The following NBEA variants were observed in gnomAD, a reference collection of about 807,000 sequenced individuals.
NBEA encodes the protein lysosomal-trafficking regulator 2.
NBEA carries 44 observed loss-of-function variants against 343.4 expected under a neutral mutation model. The ratio of observed to expected loss-of-function variants is 0.13; its 90% CI spans 0.10 to 0.16. NBEA has a LOEUF of 0.16. Ranked by LOEUF, NBEA falls within the 10% of genes least tolerant of loss-of-function variation. The pLI is 1.00. For missense variants in NBEA, 2,555 were observed against 3,631.3 expected (o/e 0.70, Z 7.62); for synonymous variants, 1,175 against 1,238.7 (o/e 0.95, Z 1.08).
intron 36 of NBEA, among the ~76,000 whole-genome samples, chr13:35,332,616 C>G (rs769565505): frequency 6.6e-6 from 1 of 151,718 alleles, no homozygotes; most frequent in African/African-American, 2.4e-5. Context: ...TATGGGTAGC[C>G]ATTGGAGAAA....
intron 41 of NBEA, among the ~76,000 whole-genome samples, chr13:35,542,835 TATC>T: frequency 6.6e-6 from 1 of 152,094 alleles, no homozygotes; most frequent in East Asian, 1.9e-4. Context: ...TGATTACTAT[TATC>T]ATCTGTTTTA....
At chr13:35,601,239 A>T (rs993449135) in intron 47 of NBEA, among the ~76,000 whole-genome samples, 1 of 152,024 alleles carries the variant, frequency 6.6e-6, no homozygotes, top group African/African-American at 2.4e-5. Context: ...TTTAATCAAC[A>T]TTTCAATGCC....
In NBEA at chr13:35,123,222, C is replaced by T. The variant is rs531829307; in HGVS notation, c.2244-260C>T. The stretch of plus-strand genomic sequence containing the variant: ...CTTAGAGAGAAGACATGTGGCCTAA[C>T]TAAGCATGTGTTAGTATGTTGGGAG... On this transcript the variant is annotated intron_variant, in intron 16 of 58. Coordinates refer to ENST00000379939, the MANE Select transcript of NBEA (RefSeq NM_001385012.1). Among the ~76,000 whole-genome samples the T allele has an allele frequency of 9.4e-4, 143 of 152,270 alleles. 1 individual carries two copies. The highest frequency in any genetic ancestry group is 3.2e-3 in the African/African-American group (135 of 41,564).
At chr13:35,394,461 T>A (rs1419636136) in intron 38 of NBEA, among the ~76,000 whole-genome samples, 2 of 152,098 alleles carry the variant, frequency 1.3e-5, no homozygotes, top group East Asian at 3.8e-4. Context: ...TTAGAAACAT[T>A]TTTAAGTAGT....
At chr13:35,043,512 A>C (rs1340386577) in intron 2 of NBEA, among the ~76,000 whole-genome samples, 2 of 151,920 alleles carry the variant, frequency 1.3e-5, no homozygotes, top group African/African-American at 2.4e-5. Context: ...ATATTAGCTT[A>C]GGATTTTTAT....
At chr13:35,472,633 C>A in intron 41 of NBEA, 97 bp downstream of exon 41, 1 of 1,186,764 alleles carries the variant, frequency 8.4e-7, no homozygotes, top group Non-Finnish European at 1.2e-6. Flanking sequence ...AGGAGGGGAG[C>A]ACATTCTCCT....
Position 35,619,115 on chromosome 13 carries a change from A to G in NBEA, c.7450-8966A>G, listed in dbSNP as rs1190906210. ...AAATGTAAAAATTTGCATTTGGGGT[A>G]TAATCTACTTTTAAAAACCCCAGCT... On this transcript the variant is annotated intron_variant, in intron 48 of 58. Transcript: ENST00000379939. 5.3e-5 allele frequency among the ~76,000 whole-genome samples: 8 copies of G among 150,912 alleles called. No individual in the cohort carries two copies. In the East Asian group the frequency reaches 1.4e-3, roughly 26 times the overall value.
At chr13:35,513,302 A>ATTTTT (rs754363500) in intron 41 of NBEA, among the ~76,000 whole-genome samples, 1 of 72,292 alleles carries the variant, frequency 1.4e-5, no homozygotes, top group Non-Finnish European at 2.5e-5. Flanking sequence ...ACACCTGGCA[A>ATTTTT]TTTTTTTTTT....
intron 10 of NBEA, among the ~76,000 whole-genome samples, chr13:35,071,652 T>A (rs2063876554): frequency 6.7e-6 from 1 of 150,072 alleles, no homozygotes; most frequent in Non-Finnish European, 1.5e-5. Flanking sequence ...TTCATTAGTG[T>A]ATATATATAC....
At chr13:35,059,490 A>G (rs926569126) in intron 8 of NBEA, among the ~76,000 whole-genome samples, 1 of 151,916 alleles carries the variant, frequency 6.6e-6, no homozygotes, top group Non-Finnish European at 1.5e-5. Context: ...AGGGGAGTAT[A>G]TAAGGGTTCT....
intron 18 of NBEA, among the ~76,000 whole-genome samples, chr13:35,151,655 CA>C (rs1350989235): frequency 6.6e-6 from 1 of 150,660 alleles, no homozygotes; most frequent in Admixed American, 6.6e-5. Context: ...TTTTGAAAAC[CA>C]AAAAAAATTA....
chr13:35,497,725 G>C (rs1175557944), intron 41 of NBEA, among the ~76,000 whole-genome samples: 1 of 151,952 alleles, frequency 6.6e-6, no homozygotes, highest in African/African-American at 2.4e-5. Context: ...GGCAAATGAG[G>C]AATCAACTCT....
intron 18 of NBEA, among the ~76,000 whole-genome samples, chr13:35,149,710 A>T (rs1386947844): frequency 6.6e-6 from 1 of 152,120 alleles, no homozygotes; most frequent in Non-Finnish European, 1.5e-5. Context: ...ACCTATGTGA[A>T]TTTTTGAGCA....
chr13:35,242,849 T>C (rs2030553610), intron 34 of NBEA, among the ~76,000 whole-genome samples: 1 of 151,862 alleles, frequency 6.6e-6, no homozygotes, highest in African/African-American at 2.4e-5. Context: ...ATTTTCCAGA[T>C]AAACAAGAGC....
chr13:35,225,608 C>T (rs543988657), intron 33 of NBEA, among the ~76,000 whole-genome samples: 20 of 152,242 alleles, frequency 1.3e-4, no homozygotes, highest in Middle Eastern at 6.8e-3. Flanking sequence ...TCGTTGCAAA[C>T]GCCCCTTGTG....
At chr13:35,001,586 A>G (rs2061141765) in intron 1 of NBEA, among the ~76,000 whole-genome samples, 2 of 152,094 alleles carry the variant, frequency 1.3e-5, no homozygotes, top group Admixed American at 6.6e-5. Flanking sequence ...GATAAATACC[A>G]CATGTTCTCA....
At chr13:34,996,296 T>G (rs1454834889) in intron 1 of NBEA, among the ~76,000 whole-genome samples, 3 of 152,198 alleles carry the variant, frequency 2.0e-5, no homozygotes, top group Non-Finnish European at 2.9e-5. Context: ...TAGAAAACTG[T>G]TGATAGAGTC....
At chr13:35,013,348 A>T (rs1451668423) in intron 1 of NBEA, among the ~76,000 whole-genome samples, 1 of 152,212 alleles carries the variant, frequency 6.6e-6, no homozygotes, top group Non-Finnish European at 1.5e-5. Context: ...TTTGTGGAAT[A>T]GGAAAAAATA....
intron 49 of NBEA, among the ~76,000 whole-genome samples, chr13:35,642,496 A>G (rs2084010758): frequency 6.6e-6 from 1 of 152,202 alleles, no homozygotes; most frequent in Non-Finnish European, 1.5e-5. Context: ...GGTTTACTGG[A>G]AAGTACAACA....
Sources: allele counts gnomAD v4.1 joint callset (sites outside exome capture counted in the v4.1 genomes callset), GRCh38; gene constraint gnomAD v4.1.1; transcripts MANE v1.5; gene names NCBI Gene and HGNC (gene_info 2026-07-23, HGNC 2026-07-21).